RNF212B: variants seen among roughly 807,000 people sequenced by gnomAD.
RNF212B encodes E3 ubiquitin-protein ligase RNF212B.
Under a neutral mutation model 55.5 loss-of-function variants are expected in RNF212B, and 52 were observed. That is an observed-to-expected ratio of 0.94 (90% confidence interval 0.75 to 1.18). The LOEUF is 1.18. RNF212B is among the 50% of genes most tolerant of loss of function. The pLI is 0.00. For synonymous variants in RNF212B, 99 were observed against 121.4 expected (o/e 0.82, Z 1.21); for missense variants, 289 against 350.4 (o/e 0.82, Z 1.40).
At chr14:23,208,797 C>A (rs1315935716) in intron 2 of RNF212B, among the ~76,000 whole-genome samples, 1 of 121,466 alleles carries the variant, frequency 8.2e-6, no homozygotes, top group African/African-American at 3.7e-5. Flanking sequence ...CTCACTCTGT[C>A]GCCCAGGCTG....
intron 1 of RNF212B, among the ~76,000 whole-genome samples, chr14:23,239,383 A>G (rs1437876929): frequency 1.3e-5 from 2 of 152,098 alleles, no homozygotes; most frequent in Non-Finnish European, 2.9e-5. Flanking sequence ...CTGCAGAAGA[A>G]AAGTATATTT....
At chr14:23,267,542 C>G (rs2140486393) in intron 11 of RNF212B, among the ~76,000 whole-genome samples, 1 of 152,042 alleles carries the variant, frequency 6.6e-6, no homozygotes, top group East Asian at 1.9e-4. Flanking sequence ...GATTTTTGTG[C>G]CTCAGCCTCT....
At chr14:23,191,327 C>T (rs922957507) in intron 1 of RNF212B, among the ~76,000 whole-genome samples, 3 of 138,834 alleles carry the variant, frequency 2.2e-5, no homozygotes, top group East Asian at 2.1e-4. Flanking sequence ...GCACCCTGGG[C>T]GACAAAGTGA....
chr14:23,236,961 C>CTT (rs1462199563), upstream of RNF212B, among the ~76,000 whole-genome samples: 19 of 138,014 alleles, frequency 1.4e-4, no homozygotes, highest in African/African-American at 4.1e-4. Flanking sequence ...CTGTCTCTCT[C>CTT]TTTTTTTTTT....
chr14:23,226,475 A>C (rs1448686840), intron 2 of RNF212B, among the ~76,000 whole-genome samples: 3 of 151,424 alleles, frequency 2.0e-5, no homozygotes, highest in African/African-American at 7.3e-5. Context: ...CTAAAAATAC[A>C]AAAAAATTAG....
At chr14:23,188,486 G>T (rs1054099881) in intron 1 of RNF212B, among the ~76,000 whole-genome samples, 1 of 148,264 alleles carries the variant, frequency 6.7e-6, no homozygotes. Context: ...TTAGAGATAG[G>T]GTCTCACTCT....
chr14:23,247,637 A>G (rs1224683074), intron 4 of RNF212B, among the ~76,000 whole-genome samples: 2 of 152,234 alleles, frequency 1.3e-5, no homozygotes, highest in African/African-American at 4.8e-5. Context: ...AATCTATTAT[A>G]TAAATGGATA....
At chr14:23,210,413 A>G (rs1317428467) in intron 2 of RNF212B, among the ~76,000 whole-genome samples, 1 of 152,232 alleles carries the variant, frequency 6.6e-6, no homozygotes, top group Non-Finnish European at 1.5e-5. Flanking sequence ...ATGAGATTTG[A>G]ACAAAGTCTG....
intron 4 of RNF212B, among the ~76,000 whole-genome samples, chr14:23,246,591 T>TA (rs995184694): frequency 1.3e-3 from 195 of 150,952 alleles, no homozygotes; most frequent in African/African-American, 4.4e-3. Context: ...TAAAGTACTT[T>TA]AAAAAAAAAC....
intron 2 of RNF212B, among the ~76,000 whole-genome samples, chr14:23,242,187 T>C (rs1883650290): frequency 7.2e-6 from 1 of 138,670 alleles, no homozygotes; most frequent in Non-Finnish European, 1.5e-5. Context: ...GAAGGTTTTT[T>C]CTCTGTACCA....
chr14:23,229,220 T>TTTTATATATATATATATA (rs1183907201), intron 2 of RNF212B, among the ~76,000 whole-genome samples: 11 of 65,020 alleles, frequency 1.7e-4, no homozygotes, highest in Admixed American at 4.2e-4. Flanking sequence ...GAATAATATT[T>TTTTATATATATATATATA]TATATATATA....
intron 4 of RNF212B, among the ~76,000 whole-genome samples, chr14:23,246,716 C>T (rs1459403285): frequency 1.3e-5 from 2 of 152,082 alleles, no homozygotes; most frequent in Non-Finnish European, 2.9e-5. Context: ...GTGTGAGCCA[C>T]CATGCCCAAT....
At chr14:23,205,090 A>AT (rs1467998005) in intron 2 of RNF212B, among the ~76,000 whole-genome samples, 1 of 152,136 alleles carries the variant, frequency 6.6e-6, no homozygotes, top group African/African-American at 2.4e-5. Flanking sequence ...TCAACCAGTC[A>AT]TTTTTATTTT....
At chr14:23,204,266 T>C (rs1879618879) in intron 2 of RNF212B, among the ~76,000 whole-genome samples, 1 of 152,242 alleles carries the variant, frequency 6.6e-6, no homozygotes, top group African/African-American at 2.4e-5. Flanking sequence ...TTTATTATAT[T>C]TGCTTTTGGG....
intron 2 of RNF212B, among the ~76,000 whole-genome samples, chr14:23,224,017 G>A (rs1014558101): frequency 6.6e-6 from 1 of 151,974 alleles, no homozygotes; most frequent in Non-Finnish European, 1.5e-5. Flanking sequence ...AATTACCGAG[G>A]AATTAACCAA....
rs1169601534 is a variant in RNF212B at position 23,272,847 on chromosome 14, AT to A, written c.860del (p.Met287ArgfsTer31). On this transcript the variant is annotated frameshift_variant, in exon 15 of 15. Transcript: ENST00000430154. LOFTEE classifies it high-confidence loss of function. The stretch of plus-strand genomic sequence containing the variant: ...GACTCTCTACCAACAACGGAGGCAT[AT>A]GGGATTACCCAGTGGGAGAGAAGCA... ...LQTLYQQRRH[M>X]GLPSGREAWT... 1 of 1,549,086 alleles carries A rather than the reference AT, an allele frequency of 6.5e-7. No homozygotes were observed. The highest frequency in any genetic ancestry group is 1.4e-5 in the African/African-American group (1 of 72,996).
intron 2 of RNF212B, among the ~76,000 whole-genome samples, chr14:23,232,452 G>T (rs554823944): frequency 1.6e-3 from 175 of 112,328 alleles, no homozygotes; most frequent in African/African-American, 4.6e-3. Context: ...CCCGGCAGCC[G>T]CCCCGTCTGA....
At chr14:23,208,759 T>TTTTTTTTTG (rs1880122761) in intron 2 of RNF212B, among the ~76,000 whole-genome samples, 1 of 123,018 alleles carries the variant, frequency 8.1e-6, no homozygotes, top group Non-Finnish European at 1.7e-5. Flanking sequence ...TGGTTGCCGT[T>TTTTTTTTTG]TTTTTTTTTT....
chr14:23,213,795 A>G (rs908433327), intron 2 of RNF212B, among the ~76,000 whole-genome samples: 1 of 152,216 alleles, frequency 6.6e-6, no homozygotes, highest in Non-Finnish European at 1.5e-5. Flanking sequence ...AAAATGATTC[A>G]GCCTCACAAA....
Sources: gnomAD v4.1 joint callset for allele counts (sites outside exome capture counted in the v4.1 genomes callset) on GRCh38, gnomAD v4.1.1 for gene constraint, MANE v1.5 for transcripts, NCBI Gene and HGNC (gene_info 2026-07-23, HGNC 2026-07-21) for gene names.